RYR3: variants seen among roughly 807,000 people sequenced by gnomAD.
The protein encoded by RYR3 is brain ryanodine receptor-calcium release channel.
RYR3 carries 207 observed loss-of-function variants against 584.3 expected under a neutral mutation model. The ratio of observed to expected loss-of-function variants is 0.35; its 90% confidence interval spans 0.32 to 0.40. The LOEUF (loss-of-function observed/expected upper bound fraction) is 0.40. Ranked by LOEUF, RYR3 falls within the 10% of genes least tolerant of loss-of-function variation. The probability of loss-of-function intolerance (pLI) is 1.00; values close to 1 mark genes in which losing one functional copy is unlikely to be tolerated. For synonymous variants in RYR3, 2,416 were observed against 2,248.5 expected (o/e 1.07, Z -2.11); for missense variants, 5,616 against 6,089.2 (o/e 0.92, Z 2.59).
chr15:33,442,494 G>A (rs1200816549), intron 1 of RYR3, among the ~76,000 whole-genome samples: 2 of 152,130 alleles, frequency 1.3e-5, no homozygotes, highest in African/African-American at 4.8e-5. Context: ...TGAGAATTTC[G>A]GTATGCAATG....
intron 86 of RYR3, among the ~76,000 whole-genome samples, chr15:33,834,573 C>A (rs770865291): frequency 6.6e-6 from 1 of 151,896 alleles, no homozygotes; most frequent in Non-Finnish European, 1.5e-5. Flanking sequence ...GGTTTTCACA[C>A]TGTGCTTCGC....
At chr15:33,770,288 A>G (rs4550421) in intron 62 of RYR3, among the ~76,000 whole-genome samples, 150,666 of 152,344 alleles carry the variant, frequency 0.99, 74,522 homozygotes, top group Middle Eastern at 1. Context: ...AAGGAGGAGA[A>G]TAAGGACTAT....
At position 33,586,263 on chromosome 15, in the gene RYR3, A is replaced by T. The variant is rs1294054004; in HGVS notation, c.1788+147A>T. On this transcript the variant is annotated intron_variant, in intron 16 of 103. Coordinates refer to ENST00000634891, the MANE Select transcript of RYR3 (RefSeq NM_001036.6). ...AAACTGGAAAAAAGACTTTCCCCGC[A>T]TACAAGCACTCTCCAAGCTGGGCAG... is the stretch of plus-strand genomic sequence containing the variant. The T allele has an allele frequency of 2.2e-5, 14 of 636,036 alleles. No individual in the cohort carries two copies. In the East Asian group the frequency reaches 3.9e-4, roughly 18 times the overall value. The allele number at this position is 636,036 out of a possible 1,614,324, so 39.4% of individuals were successfully genotyped here. A position where few individuals can be genotyped will look rare whatever the true frequency, so the allele number is the denominator to read the frequency against.
chr15:33,690,843 T>G (rs2065368450), intron 38 of RYR3, among the ~76,000 whole-genome samples: 1 of 152,148 alleles, frequency 6.6e-6, no homozygotes, highest in Admixed American at 6.5e-5. Context: ...GACAAATATT[T>G]AAATATTTAT....
intron 91 of RYR3, 124 bp from the exon 92 acceptor site, chr15:33,843,364 G>A (rs2078502909): frequency 1.5e-6 from 1 of 647,166 alleles, no homozygotes; most frequent in African/African-American, 1.8e-5. Flanking sequence ...CTAGAAGAGT[G>A]GTCATCAAAG....
At chr15:33,465,905 G>A (rs565804057) in intron 1 of RYR3, 12 of 447,828 alleles carry the variant, frequency 2.7e-5, no homozygotes, top group South Asian at 1.0e-4. Context: ...TCATCTCTCC[G>A]TCTCTTCCCT....
At chr15:33,600,019 A>G (rs1198218175) in intron 16 of RYR3, among the ~76,000 whole-genome samples, 2 of 152,184 alleles carry the variant, frequency 1.3e-5, no homozygotes, top group African/African-American at 4.8e-5. Flanking sequence ...GCCGACTGAA[A>G]AGTATTTCAT....
At chr15:33,742,559 G>A (rs997924842) in intron 52 of RYR3, 115 bp downstream of exon 52, 11 of 718,008 alleles carry the variant, frequency 1.5e-5, no homozygotes, top group Admixed American at 2.2e-5. Flanking sequence ...TTTCCATGCC[G>A]AGAGCATTCA....
At chr15:33,756,809 C>A (rs2071881858) in intron 59 of RYR3, among the ~76,000 whole-genome samples, 1 of 152,132 alleles carries the variant, frequency 6.6e-6, no homozygotes, top group African/African-American at 2.4e-5. Context: ...GACAGGTTTA[C>A]CCTTATGGTA....
Position 33,773,594 on chromosome 15 carries a change from G to A in RYR3, c.9116G>A (p.Gly3039Glu), listed in dbSNP as rs761779104. 3.0e-5 allele frequency: 48 copies of A among 1,607,002 alleles called. No homozygotes were observed. Among genetic ancestry groups the A allele is most frequent in the Non-Finnish European group, 4.1e-5 (48 of 1,176,074 alleles). The change falls in exon 64 of 104, where the codon GGA becomes GAA. Residue 3039 changes from glycine to glutamate, a missense_variant. This residue lies in a region of RYR3 where 954 missense variants were observed against 1,132.2 expected (regional missense o/e 0.84). Coordinates refer to ENST00000634891, the MANE Select transcript of RYR3 (RefSeq NM_001036.6). ...TGCAGCCTCTACTCCCTTGGGACGGGAAAGAACATTTATGTTGAAAGGTAA... is the reference window on the plus strand; with the variant it reads ...TGCAGCCTCTACTCCCTTGGGACGGAAAAGAACATTTATGTTGAAAGGTAA... ...ILCSLYSLGT[G>E]KNIYVERQRP...
chr15:33,431,441 G>A (rs2045136847), intron 1 of RYR3, among the ~76,000 whole-genome samples: 1 of 152,126 alleles, frequency 6.6e-6, no homozygotes, highest in Admixed American at 6.6e-5. Flanking sequence ...ATGTTTGGAA[G>A]GAGATAAACC....
intron 93 of RYR3, chr15:33,847,610 C>G (rs1294193197): frequency 6.6e-6 from 1 of 152,342 alleles, no homozygotes; most frequent in Non-Finnish European, 1.5e-5. Context: ...CAATCCCTTT[C>G]TGTGTTCCCC....
At chr15:33,650,132 A>G (rs1166539066) in intron 31 of RYR3, among the ~76,000 whole-genome samples, 1 of 152,142 alleles carries the variant, frequency 6.6e-6, no homozygotes, top group Non-Finnish European at 1.5e-5. Flanking sequence ...TAATCACAGC[A>G]CTTTGGGAGG....
rs143374299 is a variant in RYR3, at chr15:33,833,918, T to G, written c.11464-1050T>G. ...CTTATTGAGTAATTTGGAGATTGGT[T>G]AAAGGGTAGAAAAAAATAGACTGTA... On this transcript the variant is annotated intron_variant, in intron 86 of 103. Transcript: ENST00000634891. Among the ~76,000 whole-genome samples the G allele has an allele frequency of 9.8e-3, 1,495 of 152,230 alleles. 23 individuals are homozygous for G. Among genetic ancestry groups the G allele is most frequent in the African/African-American group, 0.033 (1,382 of 41,526 alleles).
chr15:33,700,476 C>G (rs905059738), intron 41 of RYR3, among the ~76,000 whole-genome samples: 2 of 152,186 alleles, frequency 1.3e-5, no homozygotes, highest in Admixed American at 6.5e-5. Context: ...TCAAATGCAA[C>G]CTCAGGCTAC....
At chr15:33,756,070 A>G (rs552531602) in intron 58 of RYR3, among the ~76,000 whole-genome samples, 4 of 152,198 alleles carry the variant, frequency 2.6e-5, no homozygotes, top group Non-Finnish European at 4.4e-5. Flanking sequence ...CATCGCGCCC[A>G]GCCTTGAAGC....
chr15:33,738,636 C>T (rs746963668), intron 50 of RYR3, 46 bp downstream of exon 50: 2 of 1,602,532 alleles, frequency 1.2e-6, no homozygotes, highest in African/African-American at 1.3e-5. Flanking sequence ...CTCAGTGCTC[C>T]AGCATCTACA....
Position 33,865,364 on chromosome 15 carries a change from GTGCTATTTTGAAA to G in RYR3, c.*140_*152del, listed in dbSNP as rs1890153780. On this transcript the variant is annotated 3_prime_UTR_variant, in exon 104 of 104. Transcript: ENST00000634891. ...TTAAAAAAAAAACTGCTGAAAATCT[GTGCTATTTTGAAA>G]TTGATTTGGCTTTTTGTGCCTAATG... is the stretch of plus-strand genomic sequence containing the variant. 1.5e-6 allele frequency: 1 copy of G among 647,280 alleles called. No homozygotes were observed. The highest frequency in any genetic ancestry group is 2.6e-6 in the Non-Finnish European group (1 of 379,026). 40.1% of individuals were successfully genotyped at this position (647,280 alleles called of 1,614,324 possible). A position where few individuals can be genotyped will look rare whatever the true frequency, so the allele number is the denominator to read the frequency against.
chr15:33,417,943 G>A (rs541035658), intron 1 of RYR3, among the ~76,000 whole-genome samples: 1 of 152,108 alleles, frequency 6.6e-6, no homozygotes, highest in Non-Finnish European at 1.5e-5. Context: ...TGATCATATG[G>A]TTTTTGTTTT....
Sources: gnomAD v4.1 joint callset for allele counts (sites outside exome capture counted in the v4.1 genomes callset) on GRCh38, gnomAD v4.1.1 for gene constraint, gnomAD v4.1.1 regional missense constraint, MANE v1.5 for transcripts, NCBI Gene and HGNC (gene_info 2026-07-23, HGNC 2026-07-21) for gene names.